The following POLD3 variants were observed in gnomAD, a reference collection of about 807,000 sequenced individuals.
POLD3 encodes the protein DNA polymerase delta subunit 3.
POLD3 carries 19 observed loss-of-function variants against 58.2 expected under a neutral mutation model. The observed-to-expected ratio is 0.33, with a 90% CI of 0.23 to 0.48. POLD3 has a LOEUF of 0.48. Among genes scored for constraint, POLD3 ranks in the 20% least tolerant of loss-of-function variants. POLD3 has a pLI of 0.99. For missense variants in POLD3, 504 were observed against 545.5 expected (o/e 0.92, Z 0.76); for synonymous variants, 172 against 193.5 (o/e 0.89, Z 0.92).
intron 3 of POLD3, among the ~76,000 whole-genome samples, chr11:74,607,256 T>A (rs79349305): frequency 0.38 from 54,915 of 145,490 alleles, 12,418 homozygotes; most frequent in African/African-American, 0.64. Flanking sequence ...ATTTATTTAT[T>A]TATTTATTTA....
chr11:74,663,137 A>G (rs2033225810), intron 4 of POLD3, among the ~76,000 whole-genome samples: 1 of 152,230 alleles, frequency 6.6e-6, no homozygotes, highest in Non-Finnish European at 1.5e-5. Flanking sequence ...TTATGTAAAT[A>G]GTTGTTAAAA....
intron 11 of POLD3, chr11:74,638,524 T>C (rs1182865706): frequency 4.7e-6 from 2 of 424,560 alleles, no homozygotes. Flanking sequence ...TAATTTCCTT[T>C]CTGTATCTGT....
intron 4 of POLD3, among the ~76,000 whole-genome samples, chr11:74,652,350 C>T (rs868544213): frequency 1.3e-5 from 2 of 152,222 alleles, no homozygotes; most frequent in African/African-American, 4.8e-5. Context: ...AAAGGATATA[C>T]ATTTTAAGAA....
intron 2 of POLD3, among the ~76,000 whole-genome samples, chr11:74,597,539 C>T (rs1411042836): frequency 6.6e-6 from 1 of 152,228 alleles, no homozygotes; most frequent in Non-Finnish European, 1.5e-5. Flanking sequence ...TGGCTCACTG[C>T]AACTTCAGCC....
At chr11:74,598,370 T>C (rs2031353406) in intron 2 of POLD3, among the ~76,000 whole-genome samples, 1 of 152,202 alleles carries the variant, frequency 6.6e-6, no homozygotes. Flanking sequence ...ATTATATGTC[T>C]TTCCCCACTA....
chr11:74,623,714 T>C (rs1444642293), intron 7 of POLD3, among the ~76,000 whole-genome samples: 2 of 152,268 alleles, frequency 1.3e-5, no homozygotes, highest in African/African-American at 4.8e-5. Flanking sequence ...CTTTATTTGC[T>C]TGAAAAGGTT....
At chr11:74,612,776 C>T (rs1366432251) in intron 4 of POLD3, 102 bp from the exon 5 acceptor site, 1 of 1,001,842 alleles carries the variant, frequency 1.0e-6, no homozygotes, top group Non-Finnish European at 1.5e-6. Context: ...TTTTGGACCA[C>T]CACAGATTAC....
Position 74,640,601 on chromosome 11 carries a change from T to C in POLD3, c.1236T>C (p.Asp412=). ...EKVYESESCT[D]SEEELNMKTS... ...TCTACGAGAGTGAATCCTGCACAGATAGTGAAGAGGAGCTTAACATGAAGA... is the reference window on the plus strand; with the variant it reads ...TCTACGAGAGTGAATCCTGCACAGACAGTGAAGAGGAGCTTAACATGAAGA... Residue 412 remains aspartate (D), a synonymous_variant, in exon 12 of 12, where the codon GAT becomes GAC. Coordinates refer to ENST00000263681, the MANE Select transcript of POLD3 (RefSeq NM_006591.3). The C allele has an allele frequency of 6.2e-7, 1 of 1,600,570 alleles. No homozygotes were observed. Among genetic ancestry groups the C allele is most frequent in the Non-Finnish European group, 8.5e-7 (1 of 1,174,562 alleles).
At chr11:74,615,037 C>CCATA (rs548484006) in intron 5 of POLD3, among the ~76,000 whole-genome samples, 13 of 151,952 alleles carry the variant, frequency 8.6e-5, no homozygotes, top group Non-Finnish European at 1.8e-4. Flanking sequence ...AGTAAATGGG[C>CCATA]CATAGCAGTA....
At chr11:74,616,879 A>G (rs545250912) in intron 5 of POLD3, among the ~76,000 whole-genome samples, 1 of 152,214 alleles carries the variant, frequency 6.6e-6, no homozygotes, top group Admixed American at 6.5e-5. Context: ...TAGTTTAGAA[A>G]TCTCCCACCC....
chr11:74,632,037 A>G (rs1168778920), intron 9 of POLD3, among the ~76,000 whole-genome samples: 1 of 152,222 alleles, frequency 6.6e-6, no homozygotes, highest in Non-Finnish European at 1.5e-5. Flanking sequence ...AAGAAATAAC[A>G]TTAAGAATAA....
intron 4 of POLD3, among the ~76,000 whole-genome samples, chr11:74,654,151 A>G (rs1056961250): frequency 6.6e-6 from 1 of 152,218 alleles, no homozygotes. Context: ...TCACATTTCA[A>G]CATGAGGCTT....
At chr11:74,665,769 G>A (rs1192629178) in intron 4 of POLD3, among the ~76,000 whole-genome samples, 1 of 151,908 alleles carries the variant, frequency 6.6e-6, no homozygotes, top group East Asian at 1.9e-4. Flanking sequence ...CCTCATAAAG[G>A]GTATCAACAA....
rs1010732865 is a variant in POLD3, at chr11:74,615,121, G to A, written c.392+2111G>A. On this transcript the variant is annotated intron_variant, in intron 5 of 11. Transcript: ENST00000263681. The stretch of plus-strand genomic sequence containing the variant: ...AAAACTCTAGGCCAAAGTACTAGTT[G>A]TCTGACCTTGGGCAAATTATTTAAC... Among the ~76,000 whole-genome samples the A allele has an allele frequency of 2.0e-5, 3 of 152,250 alleles. No individual in the cohort carries two copies. In the South Asian group the frequency reaches 6.2e-4, roughly 32 times the overall value.
At chr11:74,596,783 C>G (rs2031277020) in intron 2 of POLD3, among the ~76,000 whole-genome samples, 1 of 152,156 alleles carries the variant, frequency 6.6e-6, no homozygotes, top group South Asian at 2.1e-4. Context: ...ACCACTTCAG[C>G]CTATGGAAAG....
Position 74,594,833 on chromosome 11 carries a change from T to A in POLD3, c.116+717T>A, listed in dbSNP as rs187064287. On this transcript the variant is annotated intron_variant, in intron 2 of 11. Coordinates refer to ENST00000263681, the MANE Select transcript of POLD3 (RefSeq NM_006591.3). ...AGTGTCGAGCGAAGGGGGAAGCCCC[T>A]TGTAAAACCGTCAGATTTCGTGAGA... Among the ~76,000 whole-genome samples, 59 of 152,286 alleles carry A rather than the reference T, an allele frequency of 3.9e-4. 1 individual carries two copies. The Middle Eastern group carries it at 0.01, about 26-fold the overall frequency.
At chr11:74,633,673 T>G (rs2032660612) in intron 9 of POLD3, among the ~76,000 whole-genome samples, 2 of 152,244 alleles carry the variant, frequency 1.3e-5, no homozygotes, top group African/African-American at 4.8e-5. Context: ...ATGGGCTGTT[T>G]ACTAAGACCA....
intron 7 of POLD3, among the ~76,000 whole-genome samples, chr11:74,622,471 C>T (rs1390535033): frequency 6.6e-6 from 1 of 152,072 alleles, no homozygotes; most frequent in East Asian, 1.9e-4. Flanking sequence ...GGGGGAAAAC[C>T]TGGATAAAAT....
chr11:74,641,403 C>G lies in POLD3; in HGVS notation c.*637C>G, dbSNP rs555825234. On this transcript the variant is annotated 3_prime_UTR_variant, in exon 12 of 12. Transcript: ENST00000263681. ...TTGTGTTCTGTTCCTTTCACAAAAG[C>G]TCTCTGGGACCTTCACTTGCAATTA... 5.1e-6 allele frequency: 5 copies of G among 985,322 alleles called. No homozygotes were observed. Among genetic ancestry groups the G allele is most frequent in the Non-Finnish European group, 6.0e-6 (5 of 829,954 alleles). The allele number at this position is 985,322 out of a possible 1,614,324, so 61.0% of individuals were successfully genotyped here. A position where few individuals can be genotyped will look rare whatever the true frequency, so the allele number is the denominator to read the frequency against.
Sources: gnomAD v4.1 joint callset for allele counts (sites outside exome capture counted in the v4.1 genomes callset) on GRCh38, gnomAD v4.1.1 for gene constraint, MANE v1.5 for transcripts, NCBI Gene and HGNC (gene_info 2026-07-23, HGNC 2026-07-21) for gene names.